GPC5: variants seen among roughly 807,000 people sequenced by gnomAD.
The protein encoded by GPC5 is glypican-5.
GPC5 carries 47 observed loss-of-function variants against 53.9 expected under a neutral mutation model. The observed-to-expected ratio is 0.87, with a 90% CI of 0.69 to 1.11. GPC5 has a LOEUF of 1.11. Ranked by LOEUF, GPC5 falls within the 50% of genes most tolerant of loss-of-function variation. The pLI, the probability that GPC5 is intolerant of heterozygous loss-of-function variation, is 0.00. For missense variants in GPC5, 748 were observed against 713.1 expected (o/e 1.05, Z -0.56); for synonymous variants, 286 against 263.3 (o/e 1.09, Z -0.84).
intron 7 of GPC5, among the ~76,000 whole-genome samples, chr13:92,798,643 T>C (rs944800446): frequency 1.6e-4 from 25 of 151,870 alleles, no homozygotes; most frequent in African/African-American, 4.6e-4. Context: ...TTAATGTGTG[T>C]TTCGTACTAG....
At chr13:92,539,170 C>G (rs957393315) in intron 7 of GPC5, among the ~76,000 whole-genome samples, 1 of 149,214 alleles carries the variant, frequency 6.7e-6, no homozygotes, top group South Asian at 2.1e-4. Flanking sequence ...GATTTATAAT[C>G]CTTTGGGTAT....
chr13:91,943,824 C>T (rs2039949955), intron 6 of GPC5, among the ~76,000 whole-genome samples: 1 of 151,842 alleles, frequency 6.6e-6, no homozygotes, highest in Admixed American at 6.6e-5. Context: ...AAATGAATGC[C>T]TCTAAATCTG....
chr13:92,261,707 G>T (rs1329631137), intron 7 of GPC5, among the ~76,000 whole-genome samples: 2 of 152,088 alleles, frequency 1.3e-5, no homozygotes, highest in Non-Finnish European at 2.9e-5. Context: ...GACACATTTT[G>T]CATCTGATGA....
At chr13:92,724,392 T>C (rs1253245452) in intron 7 of GPC5, among the ~76,000 whole-genome samples, 1 of 151,674 alleles carries the variant, frequency 6.6e-6, no homozygotes, top group Non-Finnish European at 1.5e-5. Context: ...TTTCCATACA[T>C]GTTAGAATGC....
chr13:92,708,857 CTTTTTTTTTTTTTTTTTTTTTTTT>C (rs752130758), intron 7 of GPC5, among the ~76,000 whole-genome samples: 17 of 48,182 alleles, frequency 3.5e-4, no homozygotes, highest in Admixed American at 9.3e-4. Context: ...TGGAAACCGC[CTTTTTTTTTTTTTTTTTTTTTTTT>C]TTTTTTTTTT....
chr13:92,584,683 G>T (rs912020036), intron 7 of GPC5, among the ~76,000 whole-genome samples: 1 of 152,128 alleles, frequency 6.6e-6, no homozygotes, highest in Non-Finnish European at 1.5e-5. Flanking sequence ...TGTCTCCAGG[G>T]GATGTCAGAG....
chr13:91,950,904 C>T (rs2040020405), intron 6 of GPC5, among the ~76,000 whole-genome samples: 1 of 152,104 alleles, frequency 6.6e-6, no homozygotes. Context: ...AATTTGAACC[C>T]AGGGACTATG....
At chr13:91,980,356 T>G (rs576037152) in intron 6 of GPC5, among the ~76,000 whole-genome samples, 1 of 152,272 alleles carries the variant, frequency 6.6e-6, no homozygotes, top group South Asian at 2.1e-4. Context: ...TTCTTTTTAT[T>G]GAGTTTCAAG....
chr13:92,569,166 G>A (rs557506239), intron 7 of GPC5, among the ~76,000 whole-genome samples: 1 of 144,020 alleles, frequency 6.9e-6, no homozygotes, highest in East Asian at 2.1e-4. Context: ...CTATGAGTGA[G>A]AACATGCGGT....
chr13:92,074,203 C>G (rs1359418934), intron 6 of GPC5, among the ~76,000 whole-genome samples: 1 of 152,044 alleles, frequency 6.6e-6, no homozygotes, highest in Admixed American at 6.6e-5. Context: ...GAGTGGACAA[C>G]CTGCACGAAG....
chr13:91,419,546 T>C (rs1196077013), intron 1 of GPC5, among the ~76,000 whole-genome samples: 1 of 152,160 alleles, frequency 6.6e-6, no homozygotes, highest in East Asian at 1.9e-4. Flanking sequence ...TTTCATGGAT[T>C]TTTCTAAAAT....
At chr13:92,512,112 G>T (rs986190201) in intron 7 of GPC5, among the ~76,000 whole-genome samples, 1 of 152,112 alleles carries the variant, frequency 6.6e-6, no homozygotes, top group Non-Finnish European at 1.5e-5. Flanking sequence ...GCATCCATGA[G>T]ATATTGATGA....
intron 2 of GPC5, among the ~76,000 whole-genome samples, chr13:91,465,191 C>T (rs546444275): frequency 1.3e-5 from 2 of 152,228 alleles, no homozygotes; most frequent in East Asian, 1.9e-4. Flanking sequence ...CTCATTCACA[C>T]TCACTTGCTC....
At chr13:92,170,933 ATAAAATT>A (rs1402933893) in intron 7 of GPC5, among the ~76,000 whole-genome samples, 1 of 152,200 alleles carries the variant, frequency 6.6e-6, no homozygotes, top group East Asian at 1.9e-4. Context: ...TTGTCAAAGT[ATAAAATT>A]TATGAAATAT....
At chr13:92,403,767 G>A (rs1004792343) in intron 7 of GPC5, among the ~76,000 whole-genome samples, 2 of 152,114 alleles carry the variant, frequency 1.3e-5, no homozygotes, top group African/African-American at 2.4e-5. Context: ...AATAAACTGC[G>A]AAGGTGTAAT....
chr13:92,601,274 G>A (rs566313024), intron 7 of GPC5, among the ~76,000 whole-genome samples: 34 of 152,016 alleles, frequency 2.2e-4, no homozygotes, highest in African/African-American at 8.0e-4. Flanking sequence ...ACACATATTG[G>A]GCCAGGAGTG....
chr13:92,557,770 C>A (rs2139024553), intron 7 of GPC5, among the ~76,000 whole-genome samples: 1 of 151,996 alleles, frequency 6.6e-6, no homozygotes, highest in Middle Eastern at 3.4e-3. Context: ...ATCAACTCCC[C>A]TGGCAAGCCT....
chr13:91,430,565 A>C (rs374193737), intron 1 of GPC5, among the ~76,000 whole-genome samples: 7 of 152,166 alleles, frequency 4.6e-5, no homozygotes, highest in African/African-American at 1.7e-4. Context: ...TACTTGAGGC[A>C]GAGTTTTTGA....
chr13:92,422,488 TCACACACACACACACACACA>T (rs6145177), intron 7 of GPC5, among the ~76,000 whole-genome samples: 10 of 133,388 alleles, frequency 7.5e-5, no homozygotes, highest in East Asian at 3.1e-4. Context: ...CATCACCATC[TCACACACACACACACACACA>T]CACACACACA....
Sources: allele counts gnomAD v4.1 joint callset (sites outside exome capture counted in the v4.1 genomes callset), GRCh38; gene constraint gnomAD v4.1.1; transcripts MANE v1.5; gene names NCBI Gene and HGNC (gene_info 2026-07-23, HGNC 2026-07-21).